Variants in ADGRB3 observed in about 807,000 individuals in gnomAD.
ADGRB3 encodes the protein adhesion G protein-coupled receptor B3.
A neutral mutation model predicts 193.4 loss-of-function variants in ADGRB3; 37 were observed. That is an observed-to-expected ratio of 0.19 (90% CI 0.15 to 0.25). ADGRB3 has a LOEUF of 0.25. Ranked by LOEUF, ADGRB3 falls within the 10% of genes least tolerant of loss-of-function variation. ADGRB3 has a pLI of 1.00. For synonymous variants in ADGRB3, 690 were observed against 644.2 expected, an observed-to-expected ratio of 1.07 and a Z score of -1.08; for missense variants, 1,637 against 1,852.9, an observed-to-expected ratio of 0.88 and a Z score of 2.14.
intron 12 of ADGRB3, among the ~76,000 whole-genome samples, chr6:69,016,118 C>T (rs1271550451): frequency 2.6e-5 from 4 of 151,736 alleles, no homozygotes; most frequent in African/African-American, 9.7e-5. Flanking sequence ...CGTTTTGGTG[C>T]GACAAGGAAA....
chr6:68,959,632 A>G (rs1056850512), intron 8 of ADGRB3, among the ~76,000 whole-genome samples: 1 of 152,170 alleles, frequency 6.6e-6, no homozygotes, highest in South Asian at 2.1e-4. Flanking sequence ...AATGAAAAAT[A>G]AAACTATTTT....
In ADGRB3 at chr6:68,677,663, G is replaced by A. The variant is rs192109288; in HGVS notation, c.757+38231G>A. 5.7e-4 allele frequency among the ~76,000 whole-genome samples: 86 copies of A among 151,620 alleles called. 1 individual carries two copies. The highest frequency in any genetic ancestry group is 1.9e-4 in the East Asian group (1 of 5,146). ...CTCCTGAGTAGCTGGGACGACAGAC[G>A]CGCACCAACACACTGGGCGAATTTT... On this transcript the variant is annotated intron_variant, in intron 3 of 31. Transcript: ENST00000370598.
chr6:69,005,710 C>T (rs1769728438), intron 11 of ADGRB3, among the ~76,000 whole-genome samples: 1 of 152,140 alleles, frequency 6.6e-6, no homozygotes, highest in Non-Finnish European at 1.5e-5. Flanking sequence ...ACCAGCCCTG[C>T]CATCAGAAGC....
chr6:68,829,542 T>G (rs1056293664), intron 3 of ADGRB3, among the ~76,000 whole-genome samples: 2 of 152,166 alleles, frequency 1.3e-5, no homozygotes, highest in Admixed American at 6.5e-5. Context: ...ATGAAGGAAT[T>G]AAGGTGGCAT....
intron 16 of ADGRB3, among the ~76,000 whole-genome samples, chr6:69,065,764 T>TACACACACACAC (rs3043304): frequency 2.1e-4 from 27 of 129,268 alleles, no homozygotes; most frequent in African/African-American, 6.7e-4. Context: ...TGTATATATA[T>TACACACACACAC]ACACACACAC....
chr6:69,159,999 A>T (rs1178630361), intron 17 of ADGRB3, among the ~76,000 whole-genome samples: 1 of 152,122 alleles, frequency 6.6e-6, no homozygotes, highest in African/African-American at 2.4e-5. Flanking sequence ...TGCCTTCAAG[A>T]TGTATCCAGA....
chr6:69,194,668 TAAC>T (rs1427233693), intron 17 of ADGRB3, among the ~76,000 whole-genome samples: 1 of 152,120 alleles, frequency 6.6e-6, no homozygotes, highest in Non-Finnish European at 1.5e-5. Flanking sequence ...TAATCTTACT[TAAC>T]AAGGAATTTT....
chr6:69,128,713 G>A (rs1275180550), intron 17 of ADGRB3, among the ~76,000 whole-genome samples: 1 of 152,116 alleles, frequency 6.6e-6, no homozygotes, highest in Non-Finnish European at 1.5e-5. Context: ...CAAAATGTAG[G>A]TTTAGCTTTG....
At chr6:69,076,156 A>AG in intron 17 of ADGRB3, 118 bp downstream of exon 17, 1 of 832,694 alleles carries the variant, frequency 1.2e-6, no homozygotes, top group Non-Finnish European at 2.0e-6. Flanking sequence ...CATTCAGAGA[A>AG]AAAAAAATCC....
At chr6:68,976,319 T>C (rs1768747217) in intron 10 of ADGRB3, among the ~76,000 whole-genome samples, 1 of 152,212 alleles carries the variant, frequency 6.6e-6, no homozygotes, top group African/African-American at 2.4e-5. Flanking sequence ...AATCTGAAAG[T>C]CAAATTCTGT....
chr6:69,020,478 T>C (rs1770231401), intron 13 of ADGRB3, among the ~76,000 whole-genome samples: 1 of 152,030 alleles, frequency 6.6e-6, no homozygotes, highest in African/African-American at 2.4e-5. Flanking sequence ...TATTGTGTAT[T>C]TTTTTGCAAT....
chr6:68,719,292 C>A (rs976632782), intron 3 of ADGRB3, among the ~76,000 whole-genome samples: 1 of 151,686 alleles, frequency 6.6e-6, no homozygotes, highest in Non-Finnish European at 1.5e-5. Context: ...GTGCAATAGC[C>A]ACTAGGCCTA....
At chr6:68,872,363 G>T (rs1022055413) in intron 3 of ADGRB3, among the ~76,000 whole-genome samples, 3 of 151,834 alleles carry the variant, frequency 2.0e-5, no homozygotes, top group African/African-American at 7.2e-5. Context: ...AAGAAAAATA[G>T]AAAATATGGG....
chr6:69,285,389 A>G (rs535479422), intron 20 of ADGRB3, among the ~76,000 whole-genome samples: 29 of 152,218 alleles, frequency 1.9e-4, no homozygotes, highest in African/African-American at 7.0e-4. Context: ...TTTTAAAAAT[A>G]GTACTGTCAG....
chr6:69,108,467 G>A (rs574106284), intron 17 of ADGRB3, among the ~76,000 whole-genome samples: 36 of 151,378 alleles, frequency 2.4e-4, no homozygotes, highest in African/African-American at 6.8e-4. Flanking sequence ...ATTACAAAGC[G>A]AACATTATAT....
chr6:68,749,665 A>G (rs1766157833), intron 3 of ADGRB3, among the ~76,000 whole-genome samples: 1 of 152,136 alleles, frequency 6.6e-6, no homozygotes, highest in East Asian at 1.9e-4. Flanking sequence ...TTTAATCACT[A>G]TGATTGCCTA....
chr6:68,858,877 G>A (rs760252242), intron 3 of ADGRB3, among the ~76,000 whole-genome samples: 2 of 152,206 alleles, frequency 1.3e-5, no homozygotes, highest in Non-Finnish European at 2.9e-5. Context: ...AATGGTTGGG[G>A]CTGCTGTGAA....
intron 3 of ADGRB3, among the ~76,000 whole-genome samples, chr6:68,866,430 T>C (rs1253642890): frequency 1.3e-5 from 2 of 152,196 alleles, no homozygotes; most frequent in Non-Finnish European, 2.9e-5. Context: ...AACTTAGCAC[T>C]TTTTCTTTAT....
rs540349654 is a variant in ADGRB3, at chr6:68,811,470, CGTTT to C, written c.758-119075_758-119072del. 2.6e-4 allele frequency among the ~76,000 whole-genome samples: 40 copies of C among 151,910 alleles called. No homozygotes were observed. The South Asian group carries it at 6.0e-3, about 23-fold the overall frequency. On this transcript the variant is annotated intron_variant, in intron 3 of 31. Transcript: ENST00000370598. ...AATGAGGTAGATGATTCTTGGGGTT[CGTTT>C]GTTTGTTTGTTTGAGACAGAGTCTC...
Sources: allele counts gnomAD v4.1 joint callset (sites outside exome capture counted in the v4.1 genomes callset), GRCh38; gene constraint gnomAD v4.1.1; transcripts MANE v1.5; gene names NCBI Gene and HGNC (gene_info 2026-07-23, HGNC 2026-07-21).